PIEZO2: variants seen among roughly 807,000 people sequenced by gnomAD.
PIEZO2 encodes piezo type mechanosensitive ion channel component 2, also known as piezo-type mechanosensitive ion channel component 2.
In PIEZO2, 172 loss-of-function variants were observed where a neutral mutation model predicts 337.3. The observed-to-expected ratio is 0.51, with a 90% confidence interval of 0.45 to 0.58. PIEZO2 has a LOEUF of 0.58. Ranked by LOEUF, PIEZO2 falls within the 20% of genes least tolerant of loss-of-function variation. The pLI is 0.00. For missense variants in PIEZO2, 3,028 were observed against 3,391.3 expected (o/e 0.89, Z 2.66); for synonymous variants, 1,251 against 1,228.5 (o/e 1.02, Z -0.38).
chr18:11,015,382 T>C (rs1188691027), intron 2 of PIEZO2, among the ~76,000 whole-genome samples: 1 of 152,170 alleles, frequency 6.6e-6, no homozygotes, highest in Non-Finnish European at 1.5e-5. Context: ...CTTCTCTGTG[T>C]GCTTCACCAA....
At position 11,001,412 on chromosome 18, in the gene PIEZO2, G is replaced by A. The variant is rs569700036; in HGVS notation, c.161-21752C>T. On this transcript the variant is annotated intron_variant, in intron 2 of 55. Coordinates refer to ENST00000674853, the MANE Select transcript of PIEZO2 (RefSeq NM_001378183.1). The surrounding 1 kb of genome is among the most constrained non-coding windows in gnomAD (Gnocchi z 5.3). The stretch of plus-strand genomic sequence containing the variant: ...CCAGTCACCCTGAGGCACAGTGAGA[G>A]TGCAAGTTCTTTCTGCTGTCGCTCT... Among the ~76,000 whole-genome samples the A allele has an allele frequency of 2.6e-5, 4 of 152,230 alleles. No homozygotes were observed. Among genetic ancestry groups the A allele is most frequent in the African/African-American group, 9.6e-5 (4 of 41,542 alleles).
chr18:10,696,216 C>G lies in PIEZO2; in HGVS notation c.7048G>C (p.Val2350Leu), dbSNP rs1316904281. The G allele has an allele frequency of 6.2e-7, 1 of 1,614,054 alleles. No individual in the cohort carries two copies. Among genetic ancestry groups the G allele is most frequent in the African/African-American group, 1.3e-5 (1 of 74,934 alleles). The part of the protein sequence containing the change: ...DQVPGPFLVM[V>L]LIQFGTMVVD... ...ACCATGGTTCCAAACTGAATGAGGACCATCACCAAAAACGGCCCCGGGACC... is the reference window on the plus strand; with the variant it reads ...ACCATGGTTCCAAACTGAATGAGGAGCATCACCAAAAACGGCCCCGGGACC... Residue 2350 changes from valine (V) to leucine (L), a missense_variant, in exon 47 of 56, where the codon GTC (valine) becomes CTC (leucine). By Grantham distance (32) the Val-to-Leu change is conservative. Around this residue, in one of 5 missense-constraint regions of PIEZO2, gnomAD observed 179 missense variants for 281.8 expected, o/e 0.64. Transcript: ENST00000674853.
In PIEZO2 at chr18:10,671,274, G is replaced by A. The variant is rs112747946; in HGVS notation, c.*253C>T. The A allele has an allele frequency of 6.0e-5, 21 of 352,230 alleles. No homozygotes were observed. The highest frequency in any genetic ancestry group is 3.6e-4 in the African/African-American group (17 of 47,140). 21.8% of individuals were successfully genotyped at this position (352,230 alleles called of 1,614,324 possible). ...TCCTTCACATGATCAATCAGAATGC[G>A]AGACACTGTTGACTAAAACATAAAG... On this transcript the variant is annotated 3_prime_UTR_variant, in exon 56 of 56. Coordinates refer to ENST00000674853, the MANE Select transcript of PIEZO2 (RefSeq NM_001378183.1).
At position 10,854,880 on chromosome 18, in the gene PIEZO2, A is replaced by AT. The variant is rs955183715; in HGVS notation, c.917+472dup. On this transcript the variant is annotated intron_variant, in intron 7 of 55. Transcript: ENST00000674853. This position sits in a 1 kb window ranked among gnomAD's most constrained non-coding sequence, Gnocchi z 4.6. The stretch of plus-strand genomic sequence containing the variant: ...AGGTGTGCGCCCTCATGCCCAGCTA[A>AT]TTTTTTTTGTAGAATGGGGTTTCAC... Among the ~76,000 whole-genome samples, 16 of 151,806 alleles carry AT rather than the reference A, an allele frequency of 1.1e-4. No individual in the cohort carries two copies. The highest frequency in any genetic ancestry group is 5.3e-4 in the Admixed American group (8 of 15,236).
intron 7 of PIEZO2, among the ~76,000 whole-genome samples, chr18:10,808,111 TG>T (rs771258899): frequency 5.3e-5 from 8 of 152,150 alleles, no homozygotes; most frequent in Non-Finnish European, 1.2e-4. Flanking sequence ...GTTTTTGAAA[TG>T]GGGTCTCGCT....
rs569369911 is a variant in PIEZO2 at position 10,929,289 on chromosome 18, A to G, written c.287-18061T>C. Among the ~76,000 whole-genome samples the G allele has an allele frequency of 5.6e-4, 85 of 152,364 alleles. No individual in the cohort carries two copies. Among genetic ancestry groups the G allele is most frequent in the African/African-American group, 2.0e-3 (82 of 41,586 alleles). ...GTGAGCGAGCTGCAAACGTGCACGC[A>G]TCATATGAAGGTGTTATGCTGCTGC... On this transcript the variant is annotated intron_variant, in intron 3 of 55. Coordinates refer to ENST00000674853, the MANE Select transcript of PIEZO2 (RefSeq NM_001378183.1). This position sits in a 1 kb window ranked among gnomAD's most constrained non-coding sequence, Gnocchi z 5.6.
intron 7 of PIEZO2, among the ~76,000 whole-genome samples, chr18:10,845,109 C>A (rs2041314452): frequency 6.6e-6 from 1 of 151,710 alleles, no homozygotes; most frequent in African/African-American, 2.4e-5. Flanking sequence ...TAATACATAC[C>A]AGACACCATT....
chr18:10,836,896 T>C (rs1056618188), intron 7 of PIEZO2, among the ~76,000 whole-genome samples: 17 of 152,212 alleles, frequency 1.1e-4, no homozygotes, highest in Admixed American at 9.8e-4. Context: ...CATTGTTTTA[T>C]GTTCCATTAT....
In PIEZO2 at chr18:10,705,415, TG is replaced by T; in HGVS notation, c.5919del (p.Asp1973GlufsTer15). On this transcript the variant is annotated frameshift_variant, in exon 41 of 56. Transcript: ENST00000674853. LOFTEE classifies it high-confidence loss of function. Reference sequence around the variant, plus strand: ...CTGGACCCCAGCTTGTCGGTGCGGCTGTCGTCCGGGCTGACTGCCATACGGT... The same window carrying T: ...CTGGACCCCAGCTTGTCGGTGCGGCTTCGTCCGGGCTGACTGCCATACGGT... ...GKNRMAVSPD[D>X]SRTDKLGSSI... The T allele has an allele frequency of 6.5e-7, 1 of 1,537,264 alleles. No homozygotes were observed. Among genetic ancestry groups the T allele is most frequent in the Non-Finnish European group, 8.7e-7 (1 of 1,146,916 alleles).
chr18:11,023,887 C>G (rs991262948), intron 2 of PIEZO2, among the ~76,000 whole-genome samples: 1 of 152,182 alleles, frequency 6.6e-6, no homozygotes, highest in African/African-American at 2.4e-5. Context: ...GCCGCTGGCC[C>G]GGGTGCTAAG....
At chr18:11,086,693 A>G (rs949255493) in intron 1 of PIEZO2, among the ~76,000 whole-genome samples, 25 of 152,164 alleles carry the variant, frequency 1.6e-4, no homozygotes, top group African/African-American at 6.0e-4. Flanking sequence ...ATATTGTGAT[A>G]ATGGATCCCT....
chr18:10,771,049 C>T (rs1338186678), intron 20 of PIEZO2, among the ~76,000 whole-genome samples: 1 of 152,146 alleles, frequency 6.6e-6, no homozygotes, highest in East Asian at 1.9e-4. Flanking sequence ...ATCTTATTTA[C>T]TCTTAAGACC....
At position 10,903,494 on chromosome 18, in the gene PIEZO2, C is replaced by A. The variant is rs192820676; in HGVS notation, c.329+7692G>T. Among the ~76,000 whole-genome samples the A allele has an allele frequency of 6.6e-6, 1 of 151,994 alleles. No homozygotes were observed. The highest frequency in any genetic ancestry group is 1.5e-5 in the Non-Finnish European group (1 of 67,992). ...CATCCTGGCCAACAACATGGTGAAA[C>A]CCCGTCTCTACCAAAAATAAAAAAA... On this transcript the variant is annotated intron_variant, in intron 4 of 55. Coordinates refer to ENST00000674853, the MANE Select transcript of PIEZO2 (RefSeq NM_001378183.1). This position sits in a 1 kb window ranked among gnomAD's most constrained non-coding sequence, Gnocchi z 4.1.
chr18:10,975,484 A>T (rs1021986997), intron 3 of PIEZO2, among the ~76,000 whole-genome samples: 2 of 152,184 alleles, frequency 1.3e-5, no homozygotes. Context: ...GAGGGGAAAA[A>T]AAAAAGGCAG....
rs918109620 is a variant in PIEZO2 at position 10,861,197 on chromosome 18, A to G, written c.493-3986T>C. ...TGCTGGAGCTGTAAGCTGTCCCTGC[A>G]GCGGAACAGAACTTCAATCTGGCCT... On this transcript the variant is annotated intron_variant, in intron 5 of 55. Transcript: ENST00000674853. The surrounding 1 kb of genome is among the most constrained non-coding windows in gnomAD (Gnocchi z 4.3). Among the ~76,000 whole-genome samples, 2 of 152,250 alleles carry G rather than the reference A, an allele frequency of 1.3e-5. No individual in the cohort carries two copies. Among genetic ancestry groups the G allele is most frequent in the African/African-American group, 4.8e-5 (2 of 41,480 alleles).
At chr18:11,039,771 CACACAA>C (rs200138170) in intron 2 of PIEZO2, among the ~76,000 whole-genome samples, 15,720 of 148,866 alleles carry the variant, frequency 0.11, 925 homozygotes, top group Middle Eastern at 0.16. Flanking sequence ...CACACACACA[CACACAA>C]AATTTCTTCC....
intron 5 of PIEZO2, among the ~76,000 whole-genome samples, chr18:10,858,308 C>CGA (rs1328470282): frequency 9.2e-6 from 1 of 108,610 alleles, no homozygotes; most frequent in Non-Finnish European, 1.7e-5. Flanking sequence ...GGCGACAGAG[C>CGA]GAGACTTCAA....
chr18:10,983,220 C>T lies in PIEZO2; in HGVS notation c.161-3560G>A, dbSNP rs1226909546. On this transcript the variant is annotated intron_variant, in intron 2 of 55. Coordinates refer to ENST00000674853, the MANE Select transcript of PIEZO2 (RefSeq NM_001378183.1). Reference sequence around the variant, plus strand: ...TGGCAGAATAGGAGGTTTTGGCTCTCATTTCCACAGAAACACCAATATTGG... The same window carrying T: ...TGGCAGAATAGGAGGTTTTGGCTCTTATTTCCACAGAAACACCAATATTGG... Among the ~76,000 whole-genome samples, 4 of 152,124 alleles carry T rather than the reference C, an allele frequency of 2.6e-5. No individual in the cohort carries two copies. In the East Asian group the frequency reaches 7.7e-4, roughly 29 times the overall value.
At chr18:10,778,908 C>T (rs979895742) in intron 18 of PIEZO2, among the ~76,000 whole-genome samples, 1 of 152,178 alleles carries the variant, frequency 6.6e-6, no homozygotes, top group Admixed American at 6.5e-5. Context: ...TGGGTCTCAG[C>T]TTTCTCTTTA....
Sources: gnomAD v4.1 joint callset for allele counts (sites outside exome capture counted in the v4.1 genomes callset) on GRCh38, gnomAD v4.1.1 for gene constraint, gnomAD v4.1.1 regional missense constraint, Gnocchi (gnomAD v3.1) non-coding constraint, MANE v1.5 for transcripts, NCBI Gene and HGNC (gene_info 2026-07-23, HGNC 2026-07-21) for gene names.